TTN: variants seen among roughly 807,000 people sequenced by gnomAD.
TTN encodes titin.
TTN carries 1,525 observed loss-of-function variants against 3,223.0 expected under a neutral mutation model. The ratio of observed to expected loss-of-function variants is 0.47; its 90% CI spans 0.45 to 0.49. The LOEUF is 0.49. Ranked by LOEUF, TTN falls within the 20% of genes least tolerant of loss-of-function variation. TTN has a pLI of 0.00. For missense variants in TTN, 40,786 were observed against 43,424.0 expected (o/e 0.94, Z 5.40); for synonymous variants, 14,094 against 15,161.0 (o/e 0.93, Z 5.17).
chr2:178,557,457 C>T lies in TTN; in HGVS notation c.87805G>A (p.Val29269Ile), dbSNP rs727503551. 3.0e-5 allele frequency: 48 copies of T among 1,613,960 alleles called. No individual in the cohort carries two copies. In the Middle Eastern group the frequency reaches 1.5e-3, roughly 50 times the overall value. Residue 29269 changes from valine to isoleucine, a missense_variant, in exon 329 of 363, where the codon GTC becomes ATC. Transcript: ENST00000589042. ...TTCATTTCCAGGTGATAGCCTACGA[C>T]TGCACTGCCTCCATTTGACACTGGT... Reference protein sequence around the residue: ...HEPVSNGGSAVVGYHLEMKDR... With the variant: ...HEPVSNGGSAIVGYHLEMKDR...
chr2:178,670,990 C>T, intron 156 of TTN, 100 bp downstream of exon 156: 2 of 841,232 alleles, frequency 2.4e-6, no homozygotes, highest in Non-Finnish European at 3.7e-6. Flanking sequence ...ACAAGAAATA[C>T]AGAAGAAAGA....
Position 178,571,979 on chromosome 2 carries a change from A to G in TTN, c.74153T>C (p.Phe24718Ser). 1 of 1,613,240 alleles carries G rather than the reference A, an allele frequency of 6.2e-7. No homozygotes were observed. Residue 24718 changes from phenylalanine (F) to serine (S), a missense_variant, in exon 326 of 363, where the codon TTC becomes TCC. Phe to Ser is a radical substitution (Grantham distance 155). Transcript: ENST00000589042. ...AGTGAAAGTATTGAACAGGAGTTTG[A>G]AGGCTGGTGGAATGACAAGATCTTT... ...IAKDLVIPPA[F>S]KLLFNTFTVL... is the part of the protein sequence containing the mutation.
rs770672571 is a variant in TTN at position 178,533,916 on chromosome 2, A to G, written c.102699T>C (p.Tyr34233=). Residue 34233 remains tyrosine (Y), a synonymous_variant, in exon 358 of 363, where the codon TAT becomes TAC. Coordinates refer to ENST00000589042, the MANE Select transcript of TTN (RefSeq NM_001267550.2). ...TCATGGTTCTACGGCAGTAATAGTC[A>G]TAGACTTCTCTCACACCTTTAACAA... is the stretch of plus-strand genomic sequence containing the variant. ...ELFVKGVREV[Y]DYYCRRTMKK... The G allele has an allele frequency of 6.2e-7, 1 of 1,613,856 alleles. No homozygotes were observed. The highest frequency in any genetic ancestry group is 8.5e-7 in the Non-Finnish European group (1 of 1,179,866).
Position 178,709,657 on chromosome 2 carries a change from C to T in TTN, c.28662G>A (p.Arg9554=), listed in dbSNP as rs2742332. The T allele has an allele frequency of 0.033, 53,234 of 1,613,856 alleles. 1,700 individuals are homozygous for T. The highest frequency in any genetic ancestry group is 0.19 in the East Asian group (8,568 of 44,868). The change falls in exon 99 of 363, where the codon AGG becomes AGA. Residue 9554 remains arginine, a synonymous_variant. Coordinates refer to ENST00000589042, the MANE Select transcript of TTN (RefSeq NM_001267550.2). ...AACCAGCGTCGTTCATGCCTGCTTT[C>T]CTGACTTGCAGCACTAACGTGTTGT... ...FKNNTLVLQV[R]KAGMNDAGLY...
chr2:178,586,902 A>G, intron 307 of TTN, 95 bp from the exon 308 acceptor site: 2 of 1,492,506 alleles, frequency 1.3e-6, no homozygotes, highest in Non-Finnish European at 1.8e-6. Flanking sequence ...ATTTGCTCCA[A>G]TGTACATAGA....
intron 354 of TTN, 141 bp from the exon 355 acceptor site, chr2:178,538,058 T>A (rs760271266): frequency 2.5e-6 from 2 of 815,442 alleles, no homozygotes; most frequent in Non-Finnish European, 3.7e-6. Context: ...AAAAACTCTT[T>A]GAAGTGATTT....
chr2:178,704,180 C>CTTCATA lies in TTN; in HGVS notation c.30184_30189dup (p.Tyr10062_Glu10063dup), dbSNP rs1178360125. 5 of 1,613,962 alleles carry CTTCATA rather than the reference C, an allele frequency of 3.1e-6. No individual in the cohort carries two copies. The highest frequency in any genetic ancestry group is 1.3e-5 in the African/African-American group (1 of 75,050). ...CTGAGTTCTGCTGAAGTTTCAAGGT[C>CTTCATA]TTCATATTTGCAGGTGTACTGACCC... On this transcript the variant is annotated inframe_insertion, in exon 106 of 363. Transcript: ENST00000589042.
chr2:178,569,411 T>A lies in TTN; in HGVS notation c.76721A>T (p.Tyr25574Phe), dbSNP rs1199417769. The change falls in exon 326 of 363, where the codon TAT (tyrosine) becomes TTT (phenylalanine). Residue 25574 changes from tyrosine to phenylalanine, a missense_variant. By Grantham distance (22) the Tyr-to-Phe change is conservative. Coordinates refer to ENST00000589042, the MANE Select transcript of TTN (RefSeq NM_001267550.2). ...TSLVLDNVNR[Y>F]DSGKYTLTLE... The stretch of plus-strand genomic sequence containing the variant: ...TGTAAGCGTATATTTTCCACTATCA[T>A]ATCGGTTGACATTGTCAAGAACAAG... The A allele has an allele frequency of 6.2e-7, 1 of 1,613,214 alleles. No homozygotes were observed. Among genetic ancestry groups the A allele is most frequent in the Non-Finnish European group, 8.5e-7 (1 of 1,179,574 alleles).
intron 119 of TTN, 41 bp from the exon 120 acceptor site, chr2:178,692,621 G>C: frequency 7.1e-7 from 1 of 1,415,624 alleles, no homozygotes; most frequent in Non-Finnish European, 9.5e-7. Flanking sequence ...GTGTGCATTT[G>C]ACAAGGCATA....
chr2:178,529,456 G>A (rs2154131932), intron 359 of TTN: 1 of 363,176 alleles, frequency 2.8e-6, no homozygotes, highest in Non-Finnish European at 4.8e-6. Flanking sequence ...TATGACTTAA[G>A]GAAAAAAGTC....
chr2:178,685,971 C>T (rs1008540432), intron 127 of TTN, among the ~76,000 whole-genome samples: 1 of 152,072 alleles, frequency 6.6e-6, no homozygotes, highest in Non-Finnish European at 1.5e-5. Context: ...TTGAAGGCCA[C>T]AGGGCAGAAA....
Position 178,566,651 on chromosome 2 carries a change from G to A in TTN, c.79481C>T (p.Ala26494Val), listed in dbSNP as rs368484949. 72 of 1,612,776 alleles carry A rather than the reference G, an allele frequency of 4.5e-5. No homozygotes were observed. The highest frequency in any genetic ancestry group is 5.6e-5 in the Non-Finnish European group (66 of 1,179,682). Reference protein sequence around the residue: ...PVFKPGPPTNAHIVDTTKNSI... With the variant: ...PVFKPGPPTNVHIVDTTKNSI... ...ATTTTTAGTGGTGTCTACAATGTGT[G>A]CATTGGTAGGTGGGCCAGGTTTGAA... The change falls in exon 326 of 363, where the codon GCA becomes GTA. Residue 26494 changes from alanine (A) to valine (V), a missense_variant. By Grantham distance (64) the Ala-to-Val change is moderately conservative. Coordinates refer to ENST00000589042, the MANE Select transcript of TTN (RefSeq NM_001267550.2).
In TTN at chr2:178,636,260, T is replaced by C. The variant is rs764688414; in HGVS notation, c.41330-19A>G. The C allele has an allele frequency of 3.3e-6, 5 of 1,494,692 alleles. No individual in the cohort carries two copies. The highest frequency in any genetic ancestry group is 4.5e-6 in the Non-Finnish European group (5 of 1,123,200). 92.6% of individuals were successfully genotyped at this position (1,494,692 alleles called of 1,614,324 possible). On this transcript the variant is annotated intron_variant, in intron 225 of 362. Coordinates refer to ENST00000589042, the MANE Select transcript of TTN (RefSeq NM_001267550.2). The surrounding 1 kb of genome is among the most constrained non-coding windows in gnomAD (Gnocchi z 4.3). ...GGAAGTTCTATGGAGAATTTCAGTA[T>C]ATATTTCAATAAATACAATATTTTC...
chr2:178,548,004 C>T lies in TTN; in HGVS notation c.93622G>A (p.Glu31208Lys), dbSNP rs765216493. The T allele has an allele frequency of 6.2e-7, 1 of 1,613,710 alleles. No homozygotes were observed. Among genetic ancestry groups the T allele is most frequent in the South Asian group, 1.1e-5 (1 of 91,076 alleles). The change falls in exon 339 of 363, where the codon GAG becomes AAG. Residue 31208 changes from glutamate (E) to lysine (K), a missense_variant. Transcript: ENST00000589042. This position sits in a 1 kb window ranked among gnomAD's most constrained non-coding sequence, Gnocchi z 4.3. The stretch of plus-strand genomic sequence containing the variant: ...TCAGCAGTGGGCTCGATTTGAGGCT[C>T]CTTAATGATGACAGAAGAGAAGGCT... ...REAFSSVIIK[E>K]PQIEPTADLT...
At position 178,695,376 on chromosome 2, in the gene TTN, A is replaced by T. The variant is rs2154282457; in HGVS notation, c.31242T>A (p.Pro10414=). The change falls in exon 115 of 363, where the codon CCT becomes CCA. Residue 10414 remains proline, a synonymous_variant. Coordinates refer to ENST00000589042, the MANE Select transcript of TTN (RefSeq NM_001267550.2). ...SHERKVPAKV[P]EKKAPPPPKV... is the part of the protein sequence containing the mutation. ...TAGGAGGTGGTGGTGCTTTCTTTTC[A>T]GGTACTTTGGCTGGAACTTTTCTCT... The T allele has an allele frequency of 6.2e-7, 1 of 1,612,374 alleles. No individual in the cohort carries two copies. The highest frequency in any genetic ancestry group is 8.5e-7 in the Non-Finnish European group (1 of 1,178,758).
intron 138 of TTN, 87 bp downstream of exon 138, chr2:178,680,992 A>C: frequency 8.5e-7 from 1 of 1,181,100 alleles, no homozygotes; most frequent in South Asian, 1.5e-5. Context: ...AAAAGACATG[A>C]AACAACAAAA....
At position 178,599,617 on chromosome 2, in the gene TTN, A is replaced by G; in HGVS notation, c.56284T>C (p.Tyr18762His). The stretch of plus-strand genomic sequence containing the variant: ...AGATTATTTACAGCTGTGATGGTAT[A>G]TAAGCCAGTGTCACTCCTGCGAGAC... ...PQSRRSDTGL[Y>H]TITAVNNLGT... The change falls in exon 289 of 363, where the codon TAT becomes CAT. Residue 18762 changes from tyrosine to histidine, a missense_variant. Transcript: ENST00000589042. 1 of 1,611,498 alleles carries G rather than the reference A, an allele frequency of 6.2e-7. No homozygotes were observed. The highest frequency in any genetic ancestry group is 8.5e-7 in the Non-Finnish European group (1 of 1,178,632).
In TTN at chr2:178,641,237, C is replaced by T; in HGVS notation, c.40633+4G>A. ...ATCTTACAAATTGTCACTGAGATTC[C>T]TACCTGCAGGTTTTTTAACTTTTTC... On this transcript the variant is annotated splice_donor_region_variant and intron_variant, in intron 220 of 362. Coordinates refer to ENST00000589042, the MANE Select transcript of TTN (RefSeq NM_001267550.2). The T allele has an allele frequency of 6.7e-7, 1 of 1,501,300 alleles. No homozygotes were observed. Among genetic ancestry groups the T allele is most frequent in the East Asian group, 2.5e-5 (1 of 40,018 alleles). The allele number at this position is 1,501,300 out of a possible 1,614,324, so 93.0% of individuals were successfully genotyped here. A position where few individuals can be genotyped will look rare whatever the true frequency, so the allele number is the denominator to read the frequency against.
chr2:178,679,206 GC>G, intron 142 of TTN, 132 bp downstream of exon 142: 1 of 885,664 alleles, frequency 1.1e-6, no homozygotes. Context: ...TGCTCCTGTG[GC>G]CAGTTGAGAG....
Sources: gnomAD v4.1 joint callset for allele counts (sites outside exome capture counted in the v4.1 genomes callset) on GRCh38, gnomAD v4.1.1 for gene constraint, Gnocchi (gnomAD v3.1) non-coding constraint, MANE v1.5 for transcripts, NCBI Gene and HGNC (gene_info 2026-07-23, HGNC 2026-07-21) for gene names.